SLC8A1: variants seen among roughly 807,000 people sequenced by gnomAD.
SLC8A1 encodes the protein solute carrier family 8 member A1.
In SLC8A1, 18 loss-of-function variants were observed where a neutral mutation model predicts 68.3. That is an observed-to-expected ratio of 0.26 (90% CI 0.18 to 0.39). SLC8A1 has a LOEUF of 0.39. SLC8A1 is among the 10% of genes least tolerant of loss of function. The pLI is 1.00. For synonymous variants in SLC8A1, 475 were observed against 415.5 expected, an observed-to-expected ratio of 1.14 and a Z score of -1.74; for missense variants, 985 against 1,156.7, an observed-to-expected ratio of 0.85 and a Z score of 2.15.
At chr2:40,123,086 A>G (rs1046111922) in intron 7 of SLC8A1, 1 of 152,220 alleles carries the variant, frequency 6.6e-6, no homozygotes, top group Non-Finnish European at 1.5e-5. Context: ...TCAAAAGGAA[A>G]TGATAAGACT....
At chr2:40,194,556 G>C (rs1312514136) in intron 2 of SLC8A1, among the ~76,000 whole-genome samples, 1 of 151,720 alleles carries the variant, frequency 6.6e-6, no homozygotes, top group Admixed American at 6.6e-5. Context: ...TTTAAAGACA[G>C]AGATAGAATA....
chr2:40,282,811 G>A (rs1364116212), intron 2 of SLC8A1, among the ~76,000 whole-genome samples: 1 of 152,084 alleles, frequency 6.6e-6, no homozygotes. Context: ...AGGAGAAGTT[G>A]AACTCTGAAC....
chr2:40,399,514 T>C (rs1357635355), intron 2 of SLC8A1, among the ~76,000 whole-genome samples: 5 of 152,196 alleles, frequency 3.3e-5, no homozygotes, highest in Non-Finnish European at 5.9e-5. Flanking sequence ...AGGTCTGGAA[T>C]GGTCTCGTCT....
intron 6 of SLC8A1, among the ~76,000 whole-genome samples, chr2:40,154,296 ATTCT>A (rs1300312579): frequency 8.5e-6 from 1 of 117,560 alleles, no homozygotes; most frequent in Non-Finnish European, 1.7e-5. Flanking sequence ...ATTTTTATTT[ATTCT>A]TTTTTTTTTT....
chr2:40,392,175 A>C (rs1208705234), intron 2 of SLC8A1, among the ~76,000 whole-genome samples: 1 of 151,886 alleles, frequency 6.6e-6, no homozygotes, highest in Non-Finnish European at 1.5e-5. Context: ...AAAGGAAGAG[A>C]GGAAGAAAGA....
intron 2 of SLC8A1, among the ~76,000 whole-genome samples, chr2:40,214,060 G>T (rs543064776): frequency 6.6e-6 from 1 of 152,186 alleles, no homozygotes; most frequent in African/African-American, 2.4e-5. Flanking sequence ...TGTGGCTGAA[G>T]AAGTCCCATT....
intron 7 of SLC8A1, among the ~76,000 whole-genome samples, chr2:40,126,419 G>C (rs2038104960): frequency 6.6e-6 from 1 of 152,172 alleles, no homozygotes; most frequent in Admixed American, 6.5e-5. Context: ...AACTAATCCA[G>C]AATATTTAGA....
chr2:40,143,818 C>G (rs1159174578), intron 6 of SLC8A1, among the ~76,000 whole-genome samples: 1 of 152,138 alleles, frequency 6.6e-6, no homozygotes, highest in African/African-American at 2.4e-5. Context: ...TCTCTACCTG[C>G]TCAGGGCTTG....
chr2:40,164,933 C>T (rs767626586), exon 5 of SLC8A1: 12 of 1,614,008 alleles, frequency 7.4e-6, no homozygotes, highest in East Asian at 4.5e-5. Flanking sequence ...TTCTGCAATG[C>T]GCCTCTCCTC....
At chr2:40,107,518 G>T (rs1286349494) in exon 8 of SLC8A1, 1 of 151,920 alleles carries the variant, frequency 6.6e-6, no homozygotes, top group African/African-American at 2.4e-5. Flanking sequence ...AGAAATGCCT[G>T]CTAAAAAAGA....
In SLC8A1 at chr2:40,214,435, C is replaced by G. The variant is rs960503699; in HGVS notation, c.1809-36580G>C. On this transcript the variant is annotated intron_variant, in intron 2 of 7. Transcript: ENST00000406785. ...AGCAGATCATTTCTTTGTACACTATCTTTTTTTTTTTTTTTCCTCTTTTCT... is the reference window on the plus strand; with the variant it reads ...AGCAGATCATTTCTTTGTACACTATGTTTTTTTTTTTTTTTCCTCTTTTCT... 8.1e-4 allele frequency among the ~76,000 whole-genome samples: 115 copies of G among 141,400 alleles called. 1 individual carries two copies. Among genetic ancestry groups the G allele is most frequent in the African/African-American group, 2.9e-3 (113 of 38,684 alleles). 92.8% of individuals were successfully genotyped at this position (141,400 alleles called of 152,430 possible).
intron 1 of SLC8A1, among the ~76,000 whole-genome samples, chr2:40,442,391 A>G (rs1049335760): frequency 2.0e-5 from 3 of 148,314 alleles, no homozygotes; most frequent in African/African-American, 7.4e-5. Context: ...AAGGAACTTA[A>G]ATTTACAAAA....
intron 2 of SLC8A1, among the ~76,000 whole-genome samples, chr2:40,187,448 A>C (rs1235093554): frequency 2.7e-5 from 4 of 149,970 alleles, no homozygotes; most frequent in Non-Finnish European, 5.9e-5. Flanking sequence ...TGCTTCAAGC[A>C]GAGCAAGAGA....
intron 2 of SLC8A1, among the ~76,000 whole-genome samples, chr2:40,183,725 G>A (rs1392348585): frequency 1.3e-5 from 2 of 152,178 alleles, no homozygotes; most frequent in East Asian, 3.9e-4. Flanking sequence ...CCAATAGGCT[G>A]GTAGTAGTTG....
intron 2 of SLC8A1, among the ~76,000 whole-genome samples, chr2:40,396,406 C>G (rs1400374937): frequency 6.6e-6 from 1 of 152,092 alleles, no homozygotes; most frequent in Non-Finnish European, 1.5e-5. Flanking sequence ...CTCCAGGTTT[C>G]AATTCTGCTG....
chr2:40,427,743 A>G (rs1224576232), intron 2 of SLC8A1, among the ~76,000 whole-genome samples: 1 of 152,146 alleles, frequency 6.6e-6, no homozygotes, highest in Admixed American at 6.6e-5. Flanking sequence ...CTGCTCCCTG[A>G]CAACTAGACA....
At chr2:40,362,818 A>C (rs1172948410) in intron 2 of SLC8A1, among the ~76,000 whole-genome samples, 1 of 152,172 alleles carries the variant, frequency 6.6e-6, no homozygotes, top group Non-Finnish European at 1.5e-5. Context: ...TGTACAAGTT[A>C]AATTCTGTGT....
At chr2:40,097,519 A>G (rs936080767) in exon 8 of SLC8A1, 1 of 152,022 alleles carries the variant, frequency 6.6e-6, no homozygotes, top group African/African-American at 2.4e-5. Flanking sequence ...TATAACATGT[A>G]TAATTTTTTG....
chr2:40,292,782 CTT>C (rs1005372387), intron 2 of SLC8A1, among the ~76,000 whole-genome samples: 4 of 152,254 alleles, frequency 2.6e-5, no homozygotes, highest in African/African-American at 9.6e-5. Flanking sequence ...AGATTTAAGA[CTT>C]TGAATAGTGC....
Sources: allele counts gnomAD v4.1 joint callset (sites outside exome capture counted in the v4.1 genomes callset), GRCh38; gene constraint gnomAD v4.1.1; transcripts MANE v1.5; gene names NCBI Gene and HGNC (gene_info 2026-07-23, HGNC 2026-07-21).